Variants in DAB1 observed in about 807,000 individuals in gnomAD.
DAB1 encodes the protein DAB adaptor protein 1, also known as disabled homolog 1.
A neutral mutation model predicts 64.6 loss-of-function variants in DAB1; 15 were observed. The observed-to-expected ratio is 0.23, with a 90% CI of 0.16 to 0.36. DAB1 has a LOEUF of 0.36. Among genes scored for constraint, DAB1 ranks in the 10% least tolerant of loss-of-function variants. The pLI is 1.00. For missense variants in DAB1, 596 were observed against 706.7 expected, an observed-to-expected ratio of 0.84 and a Z score of 1.78; for synonymous variants, 235 against 251.9, an observed-to-expected ratio of 0.93 and a Z score of 0.64.
At chr1:57,237,379 T>C (rs1012861125) in intron 2 of DAB1, among the ~76,000 whole-genome samples, 1 of 152,176 alleles carries the variant, frequency 6.6e-6, no homozygotes, top group Non-Finnish European at 1.5e-5. Context: ...AGCCTGGAGG[T>C]AAGCCAGATA....
At chr1:58,469,988 T>C (rs558199224) in intron 3 of DAB1, among the ~76,000 whole-genome samples, 1 of 151,954 alleles carries the variant, frequency 6.6e-6, no homozygotes, top group African/African-American at 2.4e-5. Flanking sequence ...TAAACGTTTG[T>C]AGAAGTGTAC....
chr1:57,270,026 G>A (rs573104571), intron 2 of DAB1, among the ~76,000 whole-genome samples: 63 of 152,254 alleles, frequency 4.1e-4, no homozygotes, highest in Admixed American at 7.2e-4. Flanking sequence ...TGAAAAGCCC[G>A]AGCTCTTTCA....
chr1:57,744,925 T>G (rs1648192506), intron 6 of DAB1, among the ~76,000 whole-genome samples: 3 of 152,162 alleles, frequency 2.0e-5, no homozygotes, highest in Non-Finnish European at 4.4e-5. Context: ...AAACACAGTT[T>G]GGAAAACTGT....
chr1:57,907,922 T>TACACAC (rs372543898), intron 5 of DAB1, among the ~76,000 whole-genome samples: 20 of 145,454 alleles, frequency 1.4e-4, no homozygotes, highest in Non-Finnish European at 2.3e-4. Context: ...AATATATATA[T>TACACAC]ACACACACAC....
intron 5 of DAB1, among the ~76,000 whole-genome samples, chr1:58,006,680 A>T (rs1646588653): frequency 6.6e-6 from 1 of 152,130 alleles, no homozygotes. Context: ...ATCAGCCTAC[A>T]AGACAGGGCA....
intron 6 of DAB1, among the ~76,000 whole-genome samples, chr1:57,650,206 G>A (rs183315375): frequency 1.5e-3 from 221 of 152,236 alleles, no homozygotes; most frequent in Non-Finnish European, 2.6e-3. Context: ...GTGCAGTGGC[G>A]GAATCATGGC....
chr1:57,536,343 G>T (rs1644727562), intron 7 of DAB1, among the ~76,000 whole-genome samples: 1 of 152,212 alleles, frequency 6.6e-6, no homozygotes. Context: ...AAAGGATTTT[G>T]ACAGATGGGA....
chr1:57,755,530 CTT>C (rs972303092), intron 6 of DAB1, among the ~76,000 whole-genome samples: 1 of 152,170 alleles, frequency 6.6e-6, no homozygotes, highest in Non-Finnish European at 1.5e-5. Context: ...TTTTGTTACT[CTT>C]GTGTTAATTT....
intron 2 of DAB1, among the ~76,000 whole-genome samples, chr1:57,171,247 C>T (rs1471657124): frequency 1.3e-5 from 2 of 152,116 alleles, no homozygotes; most frequent in African/African-American, 2.4e-5. Context: ...CAGTGAAGCA[C>T]TAGGGCACAG....
At chr1:58,344,444 G>T (rs1324597293) in intron 3 of DAB1, among the ~76,000 whole-genome samples, 1 of 152,120 alleles carries the variant, frequency 6.6e-6, no homozygotes, top group Non-Finnish European at 1.5e-5. Context: ...TGGGAGTGTG[G>T]TGTGAGCTTC....
chr1:58,455,170 G>T (rs1361083018), intron 3 of DAB1, among the ~76,000 whole-genome samples: 1 of 152,258 alleles, frequency 6.6e-6, no homozygotes, highest in Non-Finnish European at 1.5e-5. Context: ...AGGAGTGTGG[G>T]AGGGGGAAGG....
chr1:58,519,879 T>C (rs1170267187), intron 2 of DAB1, among the ~76,000 whole-genome samples: 1 of 152,122 alleles, frequency 6.6e-6, no homozygotes, highest in Non-Finnish European at 1.5e-5. Flanking sequence ...ACAAAGTAAC[T>C]GAAATTTAAA....
rs188073477 is a variant in DAB1, at chr1:58,040,033, G to A, written n.387+110478C>T. Among the ~76,000 whole-genome samples, 137 of 152,134 alleles carry A rather than the reference G, an allele frequency of 9.0e-4. 2 individuals are homozygous for A. The highest frequency in any genetic ancestry group is 5.4e-3 in the South Asian group (26 of 4,814). ...TTCCACACACGTAGAATAAGGGGTG[G>A]GCAGCTGGGAGGAATGATTGCATAT... On this transcript the variant is annotated intron_variant and non_coding_transcript_variant, in intron 5 of 20. Transcript: ENST00000485760.
intron 4 of DAB1, among the ~76,000 whole-genome samples, chr1:58,201,429 A>C (rs1657990725): frequency 6.6e-6 from 1 of 152,192 alleles, no homozygotes; most frequent in South Asian, 2.1e-4. Flanking sequence ...TTTGCTGAAT[A>C]CCAAAGGTCC....
chr1:58,534,442 T>C lies in DAB1; in HGVS notation n.33-7107A>G, dbSNP rs1646485096. The stretch of plus-strand genomic sequence containing the variant: ...TATTGAACATTTTAAGTTTTAATTA[T>C]ATAAAAATCTGCATATATTAAGCAC... On this transcript the variant is annotated intron_variant and non_coding_transcript_variant, in intron 1 of 20. Transcript: ENST00000485760. The C allele has an allele frequency of 1.0e-5, 6 of 578,110 alleles. No individual in the cohort carries two copies. In the East Asian group the frequency reaches 1.8e-4, roughly 18 times the overall value. The allele number at this position is 578,110 out of a possible 1,614,324, so 35.8% of individuals were successfully genotyped here.
At chr1:57,114,380 T>C in intron 4 of DAB1, among the ~76,000 whole-genome samples, 1 of 152,198 alleles carries the variant, frequency 6.6e-6, no homozygotes, top group South Asian at 2.1e-4. Context: ...TAAAAGGGGG[T>C]TGGCAAAGAA....
At chr1:57,985,445 A>AT (rs1445254177) in intron 5 of DAB1, among the ~76,000 whole-genome samples, 13 of 152,260 alleles carry the variant, frequency 8.5e-5, no homozygotes, top group African/African-American at 3.1e-4. Context: ...AGGTTATAGT[A>AT]TTAGGAGGAG....
intron 2 of DAB1, among the ~76,000 whole-genome samples, chr1:57,274,944 A>G (rs1202655349): frequency 6.7e-6 from 1 of 150,022 alleles, no homozygotes; most frequent in African/African-American, 2.5e-5. Context: ...AAATTGTCTT[A>G]TGCAAGTTTC....
At chr1:57,056,694 T>C (rs1438120458) in intron 9 of DAB1, among the ~76,000 whole-genome samples, 1 of 150,590 alleles carries the variant, frequency 6.6e-6, no homozygotes, top group Non-Finnish European at 1.5e-5. Context: ...GTGAAACCCA[T>C]CTCTACTAAA....
Sources: gnomAD v4.1 joint callset for allele counts (sites outside exome capture counted in the v4.1 genomes callset) on GRCh38, gnomAD v4.1.1 for gene constraint, MANE v1.5 for transcripts, NCBI Gene and HGNC (gene_info 2026-07-23, HGNC 2026-07-21) for gene names.